SLFN13: variants seen among roughly 807,000 people sequenced by gnomAD.
The protein encoded by SLFN13 is schlafen family member 13.
SLFN13 carries 43 observed loss-of-function variants against 50.6 expected under a neutral mutation model. That is an observed-to-expected ratio of 0.85 (90% CI 0.67 to 1.09). The LOEUF (loss-of-function observed/expected upper bound fraction) is 1.09. Ranked by LOEUF, SLFN13 falls within the 50% of genes least tolerant of loss-of-function variation. SLFN13 has a pLI of 0.00. For missense variants in SLFN13, 881 were observed against 1,071.1 expected (o/e 0.82, Z 2.48); for synonymous variants, 339 against 386.5 (o/e 0.88, Z 1.44).
chr17:35,444,915 C>G lies in SLFN13; in HGVS notation c.766G>C (p.Val256Leu). 6.2e-7 allele frequency: 1 copy of G among 1,614,208 alleles called. No individual in the cohort carries two copies. Among genetic ancestry groups the G allele is most frequent in the East Asian group, 2.2e-5 (1 of 44,888 alleles). The change falls in exon 3 of 6, where the codon GTC (valine) becomes CTC (leucine). Residue 256 changes from valine to leucine, a missense_variant. This residue lies in a region of SLFN13 where 497 missense variants were observed against 518.3 expected (regional missense o/e 0.96). Transcript: ENST00000285013. Reference sequence around the variant, plus strand: ...ACCTGTTCTTTGGCACATCCCAGGACTTTCCTACTCTTATCATCCACTCCA... The same window carrying G: ...ACCTGTTCTTTGGCACATCCCAGGAGTTTCCTACTCTTATCATCCACTCCA... ...FIGVDDKSRK[V>L]LGCAKEQVDP... is the part of the protein sequence containing the mutation.
rs779806118 is a variant in SLFN13 at position 35,445,170 on chromosome 17, G to A, written c.511C>T (p.Pro171Ser). 4 of 1,613,246 alleles carry A rather than the reference G, an allele frequency of 2.5e-6. No homozygotes were observed. Among genetic ancestry groups the A allele is most frequent in the Non-Finnish European group, 2.5e-6 (3 of 1,179,994 alleles). ...ACAGCTTTCATAATTTTACTAGGTG[G>A]AGACCCTTCATTAATCAGATTATAT... ...SKYNLINEGS[P>S]PSKIMKAVYQ... is the part of the protein sequence containing the mutation. The change falls in exon 3 of 6, where the codon CCA becomes TCA. Residue 171 changes from proline (P) to serine (S), a missense_variant. By Grantham distance (74) the Pro-to-Ser change is moderately conservative. Coordinates refer to ENST00000285013, the MANE Select transcript of SLFN13 (RefSeq NM_144682.6).
rs755742384 is a variant in SLFN13, at chr17:35,441,029, T to C, written c.2260A>G (p.Ile754Val). Reference sequence around the variant, plus strand: ...GCCAGATACCCATGGGGGATATTAATTGGAGGATTTTCTATAATTAGTTGC... The same window carrying C: ...GCCAGATACCCATGGGGGATATTAACTGGAGGATTTTCTATAATTAGTTGC... ...EMQLIIENPP[I>V]NIPHGYLAIL... is the part of the protein sequence containing the mutation. The change falls in exon 6 of 6, where the codon ATT becomes GTT. Residue 754 changes from isoleucine (I) to valine (V), a missense_variant. Physicochemically the swap from Ile to Val is conservative, Grantham distance 29. Coordinates refer to ENST00000285013, the MANE Select transcript of SLFN13 (RefSeq NM_144682.6). 77 of 1,613,094 alleles carry C rather than the reference T, an allele frequency of 4.8e-5. No homozygotes were observed. Among genetic ancestry groups the C allele is most frequent in the African/African-American group, 2.3e-4 (17 of 74,912 alleles).
chr17:35,445,437 A>G lies in SLFN13; in HGVS notation c.244T>C (p.Ser82Pro). 1 of 1,614,182 alleles carries G rather than the reference A, an allele frequency of 6.2e-7. No individual in the cohort carries two copies. Among genetic ancestry groups the G allele is most frequent in the Non-Finnish European group, 8.5e-7 (1 of 1,180,030 alleles). The change falls in exon 3 of 6, where the codon TCC (serine) becomes CCC (proline). Residue 82 changes from serine (S) to proline (P), a missense_variant. Transcript: ENST00000285013. ...PTEMGLDLEE[S>P]LRKLIQYPYL... ...GGATACTGAATAAGCTTTCTCAAGG[A>G]TTCTTCTAAATCCAGTCCCATCTCT...
At position 35,445,026 on chromosome 17, in the gene SLFN13, T is replaced by C; in HGVS notation, c.655A>G (p.Thr219Ala). Residue 219 changes from threonine to alanine, a missense_variant, in exon 3 of 6, where the codon ACA becomes GCA. This residue lies in a region of SLFN13 where 497 missense variants were observed against 518.3 expected (regional missense o/e 0.96). Coordinates refer to ENST00000285013, the MANE Select transcript of SLFN13 (RefSeq NM_144682.6). ...SPSIEFKQFS[T>A]KHIQQYVENI... ...TCTACATATTGTTGGATATGTTTTG[T>C]AGAGAACTGTTTAAACTCTATGGAT... The C allele has an allele frequency of 6.2e-7, 1 of 1,614,148 alleles. No homozygotes were observed. Among genetic ancestry groups the C allele is most frequent in the Non-Finnish European group, 8.5e-7 (1 of 1,180,042 alleles).
In SLFN13 at chr17:35,445,266, C is replaced by T; in HGVS notation, c.415G>A (p.Gly139Ser). Residue 139 changes from glycine (G) to serine (S), a missense_variant, in exon 3 of 6, where the codon GGC becomes AGC. Transcript: ENST00000285013. ...GAATTCATGTGAAGCACAGAGGTGC[C>T]AGATCTACAGTATAATGAAGAACTA... ...SLSSSLYCRS[G>S]TSVLHMNSRQ... is the part of the protein sequence containing the mutation. 1.2e-6 allele frequency: 2 copies of T among 1,613,818 alleles called. No homozygotes were observed. The highest frequency in any genetic ancestry group is 1.7e-6 in the Non-Finnish European group (2 of 1,179,984).
chr17:35,445,376 C>A lies in SLFN13; in HGVS notation c.305G>T (p.Gly102Val). 6.2e-7 allele frequency: 1 copy of A among 1,614,068 alleles called. No individual in the cohort carries two copies. Among genetic ancestry groups the A allele is most frequent in the Non-Finnish European group, 8.5e-7 (1 of 1,180,004 alleles). ...TTTAACAAAAATATAAAAACACCTT[C>A]CGTGTTGCTTAGTCTCAAAGAAAGC... ...LQAFFETKQH[G>V]RCFYIFVKSW... The change falls in exon 3 of 6, where the codon GGA becomes GTA. Residue 102 changes from glycine (G) to valine (V), a missense_variant. Physicochemically the swap from Gly to Val is moderately radical, Grantham distance 109. Coordinates refer to ENST00000285013, the MANE Select transcript of SLFN13 (RefSeq NM_144682.6).
At chr17:35,449,336 C>T (rs8066300), upstream of SLFN13, among the ~76,000 whole-genome samples, 42,553 of 151,736 alleles carry the variant, frequency 0.28, 6,093 homozygotes, top group Middle Eastern at 0.33. Context: ...CGCCCCTCCT[C>T]CGTCCCTATC....
chr17:35,439,016 C>A lies in SLFN13; in HGVS notation c.*1579G>T, dbSNP rs1160378165. The A allele has an allele frequency of 8.8e-6, 1 of 113,196 alleles. No homozygotes were observed. The highest frequency in any genetic ancestry group is 1.8e-5 in the Non-Finnish European group (1 of 55,032). 7.0% of individuals were successfully genotyped at this position (113,196 alleles called of 1,614,324 possible). On this transcript the variant is annotated 3_prime_UTR_variant, in exon 6 of 6. Coordinates refer to ENST00000285013, the MANE Select transcript of SLFN13 (RefSeq NM_144682.6). ...CCAACAGAAATTTATTTCTCACAGT[C>A]TGGGGGCTGGAAGTCGAAGACATAG...
chr17:35,443,394 G>C (rs1243403656), intron 4 of SLFN13, among the ~76,000 whole-genome samples: 1 of 152,150 alleles, frequency 6.6e-6, no homozygotes, highest in Non-Finnish European at 1.5e-5. Context: ...TTGAAAAGTA[G>C]ACCAGAAGTG....
intron 1 of SLFN13, among the ~76,000 whole-genome samples, chr17:35,447,739 C>T (rs969862816): frequency 2.0e-5 from 3 of 152,138 alleles, no homozygotes; most frequent in African/African-American, 7.2e-5. Context: ...GCTCTTTGTC[C>T]TTCTCAGATA....
At position 35,445,598 on chromosome 17, in the gene SLFN13, T is replaced by C; in HGVS notation, c.83A>G (p.Glu28Gly). 1.2e-6 allele frequency: 2 copies of C among 1,614,140 alleles called. No homozygotes were observed. Among genetic ancestry groups the C allele is most frequent in the African/African-American group, 1.3e-5 (1 of 75,030 alleles). The change falls in exon 3 of 6, where the codon GAA becomes GGA. Residue 28 changes from glutamate to glycine, a missense_variant. This residue lies in a region of SLFN13 where 497 missense variants were observed against 518.3 expected (regional missense o/e 0.96). Coordinates refer to ENST00000285013, the MANE Select transcript of SLFN13 (RefSeq NM_144682.6). ...VIDVGEVTLG[E>G]ENRKKLQKTQ... is the part of the protein sequence containing the mutation. ...TTTCTGTAGCTTTTTTCTGTTTTCT[T>C]CTCCCAGAGTCACTTCTCCGACATC...
At chr17:35,445,882 C>A in intron 2 of SLFN13, 189 bp from the exon 3 acceptor site, 1 of 524,490 alleles carries the variant, frequency 1.9e-6, no homozygotes, top group Non-Finnish European at 3.3e-6. Context: ...TTAGCCTTTA[C>A]CATCATCTGT....
At chr17:35,442,478 C>A (rs551815484) in intron 4 of SLFN13, among the ~76,000 whole-genome samples, 192 bp from the exon 5 acceptor site, 1 of 152,364 alleles carries the variant, frequency 6.6e-6, no homozygotes, top group South Asian at 2.1e-4. Context: ...GAGTCTCGCT[C>A]TGTCGCCCAG....
At chr17:35,449,067 CAACAACAAA>C (rs1913375616), upstream of SLFN13, among the ~76,000 whole-genome samples, 1 of 151,674 alleles carries the variant, frequency 6.6e-6, no homozygotes, top group Admixed American at 6.6e-5. Flanking sequence ...ACAACAACAA[CAACAACAAA>C]ATTACTCAGG....
intron 4 of SLFN13, among the ~76,000 whole-genome samples, chr17:35,443,085 C>T (rs1175965805): frequency 6.6e-6 from 1 of 152,160 alleles, no homozygotes; most frequent in Non-Finnish European, 1.5e-5. Flanking sequence ...TGTCAAATCT[C>T]ATACTTAATA....
upstream of SLFN13, among the ~76,000 whole-genome samples, chr17:35,449,649 T>G (rs1333779283): frequency 1.3e-5 from 2 of 152,182 alleles, no homozygotes; most frequent in African/African-American, 4.8e-5. Context: ...GTCAACGCCT[T>G]GGAGAGGAGG....
chr17:35,442,312 G>A (rs1368109443), intron 4 of SLFN13, 26 bp from the exon 5 acceptor site: 43 of 1,532,392 alleles, frequency 2.8e-5, no homozygotes, highest in Non-Finnish European at 3.7e-5. Context: ...ATAGAAAGAT[G>A]TTTTCACTGT....
chr17:35,439,922 G>C lies in SLFN13; in HGVS notation c.*673C>G, dbSNP rs577286844. The C allele has an allele frequency of 6.6e-6, 1 of 152,036 alleles. No homozygotes were observed. The highest frequency in any genetic ancestry group is 1.5e-5 in the Non-Finnish European group (1 of 68,028). 9.4% of individuals were successfully genotyped at this position (152,036 alleles called of 1,614,324 possible). On this transcript the variant is annotated 3_prime_UTR_variant, in exon 6 of 6. Transcript: ENST00000285013. Reference sequence around the variant, plus strand: ...CTTGGCCTATAATTTCTCTGTAAAGGTACCATTAATGTTCACTATTACAAT... The same window carrying C: ...CTTGGCCTATAATTTCTCTGTAAAGCTACCATTAATGTTCACTATTACAAT...
chr17:35,445,013 T>C lies in SLFN13; in HGVS notation c.668A>G (p.Gln223Arg). 6.2e-7 allele frequency: 1 copy of C among 1,614,120 alleles called. No individual in the cohort carries two copies. Among genetic ancestry groups the C allele is most frequent in the South Asian group, 1.1e-5 (1 of 91,070 alleles). The change falls in exon 3 of 6, where the codon CAA becomes CGA. Residue 223 changes from glutamine (Q) to arginine (R), a missense_variant. Gln to Arg is a conservative substitution (Grantham distance 43). Transcript: ENST00000285013. Reference sequence around the variant, plus strand: ...TGGAATTATATTTTCTACATATTGTTGGATATGTTTTGTAGAGAACTGTTT... The same window carrying C: ...TGGAATTATATTTTCTACATATTGTCGGATATGTTTTGTAGAGAACTGTTT... ...EFKQFSTKHIQQYVENIIPEY... is the reference protein window; with the variant it reads ...EFKQFSTKHIRQYVENIIPEY...
Sources: gnomAD v4.1 joint callset for allele counts (sites outside exome capture counted in the v4.1 genomes callset) on GRCh38, gnomAD v4.1.1 for gene constraint, gnomAD v4.1.1 regional missense constraint, MANE v1.5 for transcripts, NCBI Gene and HGNC (gene_info 2026-07-23, HGNC 2026-07-21) for gene names.